The following ELMOD1 variants were observed in gnomAD, a reference collection of about 807,000 sequenced individuals.
The protein encoded by ELMOD1 is ELMO domain-containing protein 1.
ELMOD1 carries 21 observed loss-of-function variants against 46.7 expected under a neutral mutation model. The ratio of observed to expected loss-of-function variants is 0.45; its 90% CI spans 0.32 to 0.65. The LOEUF (loss-of-function observed/expected upper bound fraction) is 0.65, where lower values mean the gene tolerates loss of function less well. ELMOD1 is among the 30% of genes least tolerant of loss of function. The probability of loss-of-function intolerance (pLI) is 0.04; values close to 1 mark genes in which losing one functional copy is unlikely to be tolerated. For missense variants in ELMOD1, 348 were observed against 407.8 expected, an observed-to-expected ratio of 0.85 and a Z score of 1.26; for synonymous variants, 122 against 138.2, an observed-to-expected ratio of 0.88 and a Z score of 0.82.
At chr11:107,620,649 C>T (rs1051831165) in intron 2 of ELMOD1, among the ~76,000 whole-genome samples, 10 of 152,156 alleles carry the variant, frequency 6.6e-5, no homozygotes, top group African/African-American at 1.2e-4. Context: ...GGGCAGATCA[C>T]GAGGTCAAGA....
At chr11:107,604,528 T>A (rs1481256587) in intron 1 of ELMOD1, among the ~76,000 whole-genome samples, 3 of 152,200 alleles carry the variant, frequency 2.0e-5, no homozygotes, top group African/African-American at 7.2e-5. Context: ...CTATGTTTCA[T>A]TGATTCTAAG....
chr11:107,658,075 C>G (rs1173614386), intron 11 of ELMOD1, among the ~76,000 whole-genome samples: 1 of 152,076 alleles, frequency 6.6e-6, no homozygotes. Context: ...TGAGCGGGAG[C>G]TAAATCTTTA....
At chr11:107,656,682 A>C (rs1866639883) in intron 11 of ELMOD1, among the ~76,000 whole-genome samples, 1 of 152,058 alleles carries the variant, frequency 6.6e-6, no homozygotes, top group African/African-American at 2.4e-5. Context: ...CTGCTCTTGC[A>C]TAATCTTCAG....
At chr11:107,641,031 T>C (rs1450742403) in intron 6 of ELMOD1, among the ~76,000 whole-genome samples, 1 of 152,120 alleles carries the variant, frequency 6.6e-6, no homozygotes, top group African/African-American at 2.4e-5. Context: ...AAAAGGTTAA[T>C]ATTTCTAACA....
intron 1 of ELMOD1, among the ~76,000 whole-genome samples, chr11:107,606,621 G>T (rs1031813080): frequency 4.6e-5 from 7 of 152,200 alleles, no homozygotes; most frequent in African/African-American, 1.7e-4. Context: ...GATCGCTTGA[G>T]GTCAGGAGTT....
intron 10 of ELMOD1, 147 bp downstream of exon 10, chr11:107,654,369 A>G (rs776406158): frequency 1.3e-5 from 9 of 696,092 alleles, no homozygotes; most frequent in Admixed American, 2.7e-5. Flanking sequence ...ACCCTTCTAT[A>G]TGTTTGTGGA....
intron 7 of ELMOD1, 86 bp downstream of exon 7, chr11:107,647,687 A>G: frequency 7.2e-7 from 1 of 1,390,280 alleles, no homozygotes; most frequent in Non-Finnish European, 9.6e-7. Flanking sequence ...AATTAGCTTC[A>G]AAAGGTACTT....
intron 6 of ELMOD1, among the ~76,000 whole-genome samples, chr11:107,647,122 T>C (rs1410110082): frequency 6.6e-6 from 1 of 152,194 alleles, no homozygotes; most frequent in Non-Finnish European, 1.5e-5. Flanking sequence ...AAAATTCAGC[T>C]GTGTACTCAT....
intron 10 of ELMOD1, among the ~76,000 whole-genome samples, chr11:107,655,349 A>G: frequency 6.6e-6 from 1 of 152,100 alleles, no homozygotes. Flanking sequence ...GCTATAATGA[A>G]TTATATCTAT....
rs749069270 is a variant in ELMOD1, at chr11:107,665,208, C to T, written c.*11C>T. On this transcript the variant is annotated 3_prime_UTR_variant, in exon 12 of 12. Coordinates refer to ENST00000265840, the MANE Select transcript of ELMOD1 (RefSeq NM_018712.4). ...TTAATCAACATGTAGTTGCCCACGCCGGTTTTAATGGATACCCTGGAACAC... is the reference window on the plus strand; with the variant it reads ...TTAATCAACATGTAGTTGCCCACGCTGGTTTTAATGGATACCCTGGAACAC... 9.3e-6 allele frequency: 15 copies of T among 1,612,786 alleles called. No individual in the cohort carries two copies. The Admixed American group carries it at 1.3e-4, about 14-fold the overall frequency.
At chr11:107,595,307 T>C (rs975412711) in intron 1 of ELMOD1, among the ~76,000 whole-genome samples, 2 of 152,100 alleles carry the variant, frequency 1.3e-5, no homozygotes, top group Non-Finnish European at 2.9e-5. Context: ...CATTAGGGTC[T>C]TTTTTCTCAA....
At chr11:107,658,838 G>A (rs747959431) in intron 11 of ELMOD1, among the ~76,000 whole-genome samples, 3 of 152,232 alleles carry the variant, frequency 2.0e-5, no homozygotes, top group African/African-American at 4.8e-5. Context: ...GGGAGGCTGA[G>A]GCATGAGAAT....
At chr11:107,592,013 C>A in intron 1 of ELMOD1, 2 of 504,128 alleles carry the variant, frequency 4.0e-6, no homozygotes, top group Non-Finnish European at 4.1e-6. Flanking sequence ...TAGAATTGGA[C>A]AGCCGAGTGG....
chr11:107,632,662 A>G (rs1172318664), intron 5 of ELMOD1, among the ~76,000 whole-genome samples: 1 of 152,206 alleles, frequency 6.6e-6, no homozygotes, highest in African/African-American at 2.4e-5. Context: ...ACCTTCTAAC[A>G]TATATTTTAT....
At chr11:107,602,638 G>A (rs1865619551) in intron 1 of ELMOD1, among the ~76,000 whole-genome samples, 1 of 151,070 alleles carries the variant, frequency 6.6e-6, no homozygotes, top group Non-Finnish European at 1.5e-5. Context: ...CCTATTTAAT[G>A]AGTATAATAT....
At chr11:107,602,456 T>C (rs1259545173) in intron 1 of ELMOD1, among the ~76,000 whole-genome samples, 3 of 152,184 alleles carry the variant, frequency 2.0e-5, no homozygotes, top group African/African-American at 7.2e-5. Context: ...TATCTGTTAC[T>C]TGGATGTTGA....
intron 6 of ELMOD1, among the ~76,000 whole-genome samples, chr11:107,640,834 G>A (rs1259412917): frequency 1.3e-5 from 2 of 152,044 alleles, no homozygotes; most frequent in East Asian, 3.8e-4. Flanking sequence ...ATCATTATTA[G>A]GACACTGAAT....
rs575362920 is a variant in ELMOD1, at chr11:107,599,568, C to T, written c.-86+8159C>T. On this transcript the variant is annotated intron_variant, in intron 1 of 11. Transcript: ENST00000265840. ...ACCTGCCTGGCCAACATGGTGAAACCTGATCTCTACTACAAATACAAAAAT... is the reference window on the plus strand; with the variant it reads ...ACCTGCCTGGCCAACATGGTGAAACTTGATCTCTACTACAAATACAAAAAT... 1.3e-4 allele frequency among the ~76,000 whole-genome samples: 19 copies of T among 151,708 alleles called. No homozygotes were observed. The South Asian group carries it at 3.5e-3, about 28-fold the overall frequency.
At chr11:107,640,191 A>G (rs1044833178) in intron 6 of ELMOD1, among the ~76,000 whole-genome samples, 1 of 152,146 alleles carries the variant, frequency 6.6e-6, no homozygotes, top group Admixed American at 6.5e-5. Flanking sequence ...TAAATAGGAA[A>G]TATACAGATA....
Sources: allele counts gnomAD v4.1 joint callset (sites outside exome capture counted in the v4.1 genomes callset), GRCh38; gene constraint gnomAD v4.1.1; transcripts MANE v1.5; gene names NCBI Gene and HGNC (gene_info 2026-07-23, HGNC 2026-07-21).